VANGL1: variants seen among roughly 807,000 people sequenced by gnomAD.
VANGL1 encodes the protein vang-like protein 1.
In VANGL1, 18 loss-of-function variants were observed where a neutral mutation model predicts 48.4. That is an observed-to-expected ratio of 0.37 (90% confidence interval 0.26 to 0.55). The LOEUF (loss-of-function observed/expected upper bound fraction) is 0.55. VANGL1 is among the 20% of genes least tolerant of loss of function. The probability of loss-of-function intolerance (pLI) is 0.81; values close to 1 mark genes in which losing one functional copy is unlikely to be tolerated. For missense variants in VANGL1, 667 were observed against 675.8 expected (o/e 0.99, Z 0.14); for synonymous variants, 257 against 261.8 (o/e 0.98, Z 0.18).
In VANGL1 at chr1:115,693,383, A is replaced by G. The variant is rs1162178905; in HGVS notation, c.*2004A>G. ...ATAAGTGTATGTACATATAGTTAAT[A>G]ATGACACTGTTCATCACCATTCTAA... On this transcript the variant is annotated 3_prime_UTR_variant, in exon 8 of 8. Coordinates refer to ENST00000355485, the MANE Select transcript of VANGL1 (RefSeq NM_138959.3). The G allele has an allele frequency of 6.6e-6, 1 of 152,636 alleles. No individual in the cohort carries two copies. The highest frequency in any genetic ancestry group is 1.5e-5 in the Non-Finnish European group (1 of 68,044). The allele number at this position is 152,636 out of a possible 1,614,324, so 9.5% of individuals were successfully genotyped here. A position where few individuals can be genotyped will look rare whatever the true frequency, so the allele number is the denominator to read the frequency against.
chr1:115,684,248 C>T (rs1018932206), intron 6 of VANGL1, among the ~76,000 whole-genome samples, 172 bp downstream of exon 6: 2 of 152,088 alleles, frequency 1.3e-5, no homozygotes, highest in Non-Finnish European at 2.9e-5. Flanking sequence ...CAGTGATTCT[C>T]ATGCCTCAGC....
At chr1:115,649,506 C>G (rs749029499) in intron 1 of VANGL1, among the ~76,000 whole-genome samples, 53 of 152,210 alleles carry the variant, frequency 3.5e-4, no homozygotes, top group Admixed American at 7.2e-4. Context: ...AAGCATTTCT[C>G]TCATTAAAAA....
intron 1 of VANGL1, 28 bp downstream of exon 1, chr1:115,642,114 C>G (rs1557758834): frequency 6.6e-6 from 1 of 151,412 alleles, no homozygotes. Context: ...CCGAGCGCTG[C>G]GCGGCGGCGG....
intron 2 of VANGL1, among the ~76,000 whole-genome samples, chr1:115,652,021 T>G (rs1256299228): frequency 6.6e-6 from 1 of 152,206 alleles, no homozygotes; most frequent in Non-Finnish European, 1.5e-5. Flanking sequence ...AGGTATTTCT[T>G]ATAGGTATCG....
intron 6 of VANGL1, 51 bp downstream of exon 6, chr1:115,684,127 A>AC: frequency 7.2e-7 from 1 of 1,396,638 alleles, no homozygotes; most frequent in South Asian, 1.4e-5. Context: ...TTAAATTTTT[A>AC]TTTTATTTAT....
intron 1 of VANGL1, among the ~76,000 whole-genome samples, chr1:115,649,765 G>A (rs1236738986): frequency 6.6e-6 from 1 of 152,238 alleles, no homozygotes; most frequent in East Asian, 1.9e-4. Flanking sequence ...AACTGTGTCT[G>A]CTTATATTTT....
chr1:115,668,557 C>T (rs1202082048), intron 4 of VANGL1, among the ~76,000 whole-genome samples: 1 of 152,218 alleles, frequency 6.6e-6, no homozygotes, highest in Admixed American at 6.5e-5. Context: ...TGTTGTGTAA[C>T]AACTACCTCA....
At chr1:115,659,895 C>A (rs1200942594) in intron 3 of VANGL1, 122 bp downstream of exon 3, 5 of 1,360,028 alleles carry the variant, frequency 3.7e-6, no homozygotes, top group Non-Finnish European at 5.2e-6. Flanking sequence ...ATTAGTTTAT[C>A]TATGTCCCAT....
At chr1:115,662,201 C>G (rs553788296) in intron 3 of VANGL1, among the ~76,000 whole-genome samples, 10 of 145,084 alleles carry the variant, frequency 6.9e-5, no homozygotes, top group African/African-American at 2.2e-4. Context: ...TTACCATAGC[C>G]CATACATTTC....
intron 3 of VANGL1, among the ~76,000 whole-genome samples, chr1:115,660,707 A>G (rs866744241): frequency 3.9e-5 from 6 of 152,256 alleles, no homozygotes; most frequent in South Asian, 2.1e-4. Flanking sequence ...ATATAGGACT[A>G]TAGATAAGCA....
At chr1:115,690,987 G>A in intron 7 of VANGL1, 132 bp from the exon 8 acceptor site, 5 of 1,256,894 alleles carry the variant, frequency 4.0e-6, no homozygotes, top group Non-Finnish European at 5.6e-6. Context: ...TGAGTGTGAT[G>A]AGCTGGGCTC....
chr1:115,648,216 T>C (rs1390398438), intron 1 of VANGL1, among the ~76,000 whole-genome samples: 1 of 152,176 alleles, frequency 6.6e-6, no homozygotes, highest in Non-Finnish European at 1.5e-5. Flanking sequence ...CCACTTAATA[T>C]GGAGGTGGAT....
chr1:115,649,297 A>G (rs1302153451), intron 1 of VANGL1, among the ~76,000 whole-genome samples: 1 of 152,142 alleles, frequency 6.6e-6, no homozygotes, highest in Non-Finnish European at 1.5e-5. Flanking sequence ...ACCTCCCCCC[A>G]CAAACCCCCA....
rs1335181524 is a variant in VANGL1 at position 115,696,774 on chromosome 1, T to C, written c.*5395T>C. 1 of 152,182 alleles carries C rather than the reference T, an allele frequency of 6.6e-6. No individual in the cohort carries two copies. The highest frequency in any genetic ancestry group is 1.9e-4 in the East Asian group (1 of 5,190). The allele number at this position is 152,182 out of a possible 1,614,324, so 9.4% of individuals were successfully genotyped here. On this transcript the variant is annotated 3_prime_UTR_variant, in exon 8 of 8. Transcript: ENST00000355485. ...AGATTCCTAAAGCCAGGTGCAGCACTGTGAAAAGTTTCTTTCAATATGGCA... is the reference window on the plus strand; with the variant it reads ...AGATTCCTAAAGCCAGGTGCAGCACCGTGAAAAGTTTCTTTCAATATGGCA...
intron 2 of VANGL1, among the ~76,000 whole-genome samples, chr1:115,656,623 G>C (rs887561781): frequency 1.3e-5 from 2 of 152,232 alleles, no homozygotes; most frequent in African/African-American, 4.8e-5. Context: ...TGGGTTATCA[G>C]ATAACAGATT....
intron 5 of VANGL1, 72 bp downstream of exon 5, chr1:115,682,569 C>A: frequency 1.2e-6 from 2 of 1,609,892 alleles, no homozygotes; most frequent in Admixed American, 1.7e-5. Context: ...ATTCATGGTA[C>A]GTTTGGTTCG....
chr1:115,667,208 A>G (rs1652825553), intron 4 of VANGL1, among the ~76,000 whole-genome samples: 1 of 152,114 alleles, frequency 6.6e-6, no homozygotes, highest in South Asian at 2.1e-4. Flanking sequence ...TTCAAAGATG[A>G]TTTTATCGAA....
At position 115,688,268 on chromosome 1, in the gene VANGL1, T is replaced by C. The variant is rs140995928; in HGVS notation, c.1314+2741T>C. Among the ~76,000 whole-genome samples the C allele has an allele frequency of 4.3e-5, 6 of 138,858 alleles. No individual in the cohort carries two copies. In the South Asian group the frequency reaches 9.6e-4, roughly 22 times the overall value. 91.1% of individuals were successfully genotyped at this position (138,858 alleles called of 152,430 possible). A position where few individuals can be genotyped will look rare whatever the true frequency, so the allele number is the denominator to read the frequency against. On this transcript the variant is annotated intron_variant, in intron 7 of 7. Transcript: ENST00000355485. ...CATTTCTGGTAATAGCTACGTCTTA[T>C]TCTACCAAATACCATGATTTATTCA... is the stretch of plus-strand genomic sequence containing the variant.
Position 115,691,225 on chromosome 1 carries a change from G to T in VANGL1, c.1421G>T (p.Gly474Val). 3 of 1,614,114 alleles carry T rather than the reference G, an allele frequency of 1.9e-6. No individual in the cohort carries two copies. The highest frequency in any genetic ancestry group is 1.7e-6 in the Non-Finnish European group (2 of 1,180,022). ...RLVSDEAVTN[G>V]LRDGIVFVLK... Reference sequence around the variant, plus strand: ...GTCAGTGATGAGGCTGTGACTAATGGATTACGGGATGGAATTGTGTTCGTC... The same window carrying T: ...GTCAGTGATGAGGCTGTGACTAATGTATTACGGGATGGAATTGTGTTCGTC... Residue 474 changes from glycine (G) to valine (V), a missense_variant, in exon 8 of 8, where the codon GGA becomes GTA. Transcript: ENST00000355485.
Sources: allele counts gnomAD v4.1 joint callset (sites outside exome capture counted in the v4.1 genomes callset), GRCh38; gene constraint gnomAD v4.1.1; transcripts MANE v1.5; gene names NCBI Gene and HGNC (gene_info 2026-07-23, HGNC 2026-07-21).